Variants in RRBP1 observed in about 807,000 individuals in gnomAD.
RRBP1 encodes the protein ribosome binding protein 1, also known as ribosome-binding protein 1.
Under a neutral mutation model 165.2 loss-of-function variants are expected in RRBP1, and 94 were observed. The ratio of observed to expected loss-of-function variants is 0.57; its 90% CI spans 0.48 to 0.68. RRBP1 has a LOEUF of 0.68. Among genes scored for constraint, RRBP1 ranks in the 30% least tolerant of loss-of-function variants. The probability of loss-of-function intolerance (pLI) is 0.00; values close to 1 mark genes in which losing one functional copy is unlikely to be tolerated. For synonymous variants in RRBP1, 680 were observed against 714.5 expected (o/e 0.95, Z 0.77); for missense variants, 1,676 against 1,763.0 (o/e 0.95, Z 0.88).
intron 5 of RRBP1, among the ~76,000 whole-genome samples, chr20:17,637,857 G>T (rs548920399): frequency 4.3e-4 from 66 of 152,308 alleles, no homozygotes; most frequent in Non-Finnish European, 8.4e-4. Context: ...CTACAGAAGT[G>T]GGGGGCGGGA....
At chr20:17,628,848 T>C (rs1194016155) in intron 9 of RRBP1, among the ~76,000 whole-genome samples, 1 of 152,242 alleles carries the variant, frequency 6.6e-6, no homozygotes, top group East Asian at 1.9e-4. Flanking sequence ...TTTTTCCAAG[T>C]GATATCAATG....
chr20:17,649,206 T>G (rs569470358), intron 3 of RRBP1, among the ~76,000 whole-genome samples: 2 of 152,260 alleles, frequency 1.3e-5, no homozygotes, highest in African/African-American at 4.8e-5. Flanking sequence ...CCTGAGAAAC[T>G]GAGTTAGGTT....
intron 6 of RRBP1, 58 bp downstream of exon 6, chr20:17,636,519 T>C: frequency 6.3e-7 from 1 of 1,585,730 alleles, no homozygotes; most frequent in South Asian, 1.1e-5. Context: ...GCTCCCTCCG[T>C]CCTGGACCTG....
intron 2 of RRBP1, among the ~76,000 whole-genome samples, chr20:17,667,504 T>G (rs1370252872): frequency 2.6e-5 from 4 of 152,194 alleles, no homozygotes. Context: ...AATTTCCCCC[T>G]AAGTACTGCT....
Position 17,642,635 on chromosome 20 carries a change from G to A in RRBP1, c.2061+344C>T, listed in dbSNP as rs573235062. 5.3e-5 allele frequency among the ~76,000 whole-genome samples: 8 copies of A among 152,208 alleles called. No individual in the cohort carries two copies. In the South Asian group the frequency reaches 1.2e-3, roughly 24 times the overall value. On this transcript the variant is annotated intron_variant, in intron 4 of 24. Coordinates refer to ENST00000377813, the MANE Select transcript of RRBP1 (RefSeq NM_001365613.2). ...CGGCAGCACGACGGAAACCAGGGGC[G>A]CTCCTGGGCTGGGGAACCTCACAGG...
At position 17,658,678 on chromosome 20, in the gene RRBP1, T is replaced by C; in HGVS notation, c.1830A>G (p.Thr610=). The C allele has an allele frequency of 1.9e-6, 3 of 1,614,230 alleles. No homozygotes were observed. Among genetic ancestry groups the C allele is most frequent in the Non-Finnish European group, 2.5e-6 (3 of 1,180,036 alleles). ...GTGCCTCTGGGCTCTGGGCCACATC[T>C]GTATTTCTGCCCTGGACAGAAGCTG... ...TESASVQGRN[T]DVAQSPEAPK... Residue 610 remains threonine, a synonymous_variant, in exon 3 of 25, where the codon ACA becomes ACG. Coordinates refer to ENST00000377813, the MANE Select transcript of RRBP1 (RefSeq NM_001365613.2).
Position 17,614,719 on chromosome 20 carries a change from T to C in RRBP1, c.4194+18A>G. 6.2e-7 allele frequency: 1 copy of C among 1,609,614 alleles called. No individual in the cohort carries two copies. Among genetic ancestry groups the C allele is most frequent in the Non-Finnish European group, 8.5e-7 (1 of 1,179,926 alleles). On this transcript the variant is annotated intron_variant, in intron 24 of 24. Coordinates refer to ENST00000377813, the MANE Select transcript of RRBP1 (RefSeq NM_001365613.2). ...GCAGCTCGACTCCTCCCGCCCTGCT[T>C]TGGCGCCAGGCACGCACTGCCTTTT...
intron 5 of RRBP1, among the ~76,000 whole-genome samples, chr20:17,640,020 A>C (rs1251433598): frequency 6.6e-6 from 1 of 152,230 alleles, no homozygotes; most frequent in Non-Finnish European, 1.5e-5. Context: ...AACTATTTAC[A>C]AGAAGACAAT....
intron 1 of RRBP1, among the ~76,000 whole-genome samples, chr20:17,680,877 C>G (rs2037168558): frequency 6.6e-6 from 1 of 152,108 alleles, no homozygotes; most frequent in Non-Finnish European, 1.5e-5. Context: ...CAGCTTTCCT[C>G]GCAAATCGAA....
At chr20:17,615,331 G>T in intron 23 of RRBP1, 100 bp downstream of exon 23, 1 of 922,798 alleles carries the variant, frequency 1.1e-6, no homozygotes. Context: ...GGTCCCGGTG[G>T]GGTCGGCTCT....
intron 2 of RRBP1, among the ~76,000 whole-genome samples, chr20:17,677,876 A>G (rs1273321561): frequency 6.6e-6 from 1 of 152,178 alleles, no homozygotes; most frequent in Non-Finnish European, 1.5e-5. Context: ...AAAAAAAGTT[A>G]TATGGAGAAT....
In RRBP1 at chr20:17,659,573, G is replaced by A. The variant is rs1227675481; in HGVS notation, c.935C>T (p.Ala312Val). Residue 312 changes from alanine to valine, a missense_variant, in exon 3 of 25, where the codon GCA becomes GTA. Physicochemically the swap from Ala to Val is moderately conservative, Grantham distance 64 (BLOSUM62 0). Transcript: ENST00000377813. ...TTTGCCCTGATTCTGGGCCCCCTCT[G>A]CCTTTTTGCCCTGGTTCTGGGCCCC... The part of the protein sequence containing the change: ...VEGAQNQGKK[A>V]EGAQNQGKKG... 5 of 1,548,466 alleles carry A rather than the reference G, an allele frequency of 3.2e-6. No individual in the cohort carries two copies. Among genetic ancestry groups the A allele is most frequent in the Non-Finnish European group, 3.5e-6 (4 of 1,146,402 alleles).
intron 3 of RRBP1, among the ~76,000 whole-genome samples, chr20:17,648,698 T>C (rs1333686856): frequency 6.6e-6 from 1 of 152,230 alleles, no homozygotes; most frequent in Non-Finnish European, 1.5e-5. Flanking sequence ...TCCTATAGAT[T>C]GAAGAACTGT....
intron 20 of RRBP1, among the ~76,000 whole-genome samples, chr20:17,617,474 T>TA (rs1224517407): frequency 6.6e-6 from 1 of 152,202 alleles, no homozygotes; most frequent in African/African-American, 2.4e-5. Flanking sequence ...CCACCCCAGG[T>TA]ACGTGGGAAC....
At chr20:17,644,618 C>T (rs547999408) in intron 3 of RRBP1, among the ~76,000 whole-genome samples, 3 of 152,262 alleles carry the variant, frequency 2.0e-5, no homozygotes, top group East Asian at 3.9e-4. Context: ...CTTCAGCCGG[C>T]GTCTAGCTGC....
At chr20:17,650,111 A>T (rs1397626519) in intron 3 of RRBP1, among the ~76,000 whole-genome samples, 8 of 152,022 alleles carry the variant, frequency 5.3e-5, no homozygotes, top group Non-Finnish European at 1.2e-4. Context: ...TGGTATAATG[A>T]GGGCCTGTTT....
intron 2 of RRBP1, 147 bp from the exon 3 acceptor site, chr20:17,660,675 ATGTC>A: frequency 1.6e-6 from 1 of 609,852 alleles, no homozygotes. Context: ...GCACTCTCTG[ATGTC>A]CCACATTCTC....
intron 4 of RRBP1, 119 bp downstream of exon 4, chr20:17,642,860 C>T (rs1600752346): frequency 8.6e-7 from 1 of 1,161,456 alleles, no homozygotes; most frequent in Non-Finnish European, 1.2e-6. Flanking sequence ...CAGAATTCTG[C>T]CAGGAAAGAG....
chr20:17,636,062 G>C (rs1032297731), intron 6 of RRBP1, among the ~76,000 whole-genome samples: 1 of 152,248 alleles, frequency 6.6e-6, no homozygotes, highest in Non-Finnish European at 1.5e-5. Context: ...AGCACGTCCT[G>C]AGACATGCAG....
Sources: gnomAD v4.1 joint callset for allele counts (sites outside exome capture counted in the v4.1 genomes callset) on GRCh38, gnomAD v4.1.1 for gene constraint, MANE v1.5 for transcripts, NCBI Gene and HGNC (gene_info 2026-07-23, HGNC 2026-07-21) for gene names.